Variants in CACNG2 observed in about 807,000 individuals in gnomAD.
CACNG2 encodes the protein voltage-dependent calcium channel gamma-2 subunit.
In CACNG2, 3 loss-of-function variants were observed where a neutral mutation model predicts 25.9. The observed-to-expected ratio is 0.12, with a 90% CI of 0.05 to 0.30. The LOEUF is 0.30. CACNG2 is among the 10% of genes least tolerant of loss of function. The pLI, the probability that CACNG2 is intolerant of heterozygous loss-of-function variation, is 1.00. For missense variants in CACNG2, 341 were observed against 432.5 expected (o/e 0.79, Z 1.88); for synonymous variants, 167 against 173.3 (o/e 0.96, Z 0.29).
chr22:36,668,327 A>G (rs1936901945), intron 1 of CACNG2, among the ~76,000 whole-genome samples: 3 of 152,202 alleles, frequency 2.0e-5, no homozygotes, highest in Non-Finnish European at 2.9e-5. Context: ...AACTGAGCCA[A>G]TAGAATATAT....
At chr22:36,666,033 C>T (rs892906198) in intron 1 of CACNG2, among the ~76,000 whole-genome samples, 5 of 152,194 alleles carry the variant, frequency 3.3e-5, no homozygotes, top group African/African-American at 1.2e-4. Flanking sequence ...TATTATTCAG[C>T]CTTCAAAAGG....
intron 1 of CACNG2, among the ~76,000 whole-genome samples, chr22:36,626,870 G>A (rs1936192379): frequency 6.6e-6 from 1 of 152,262 alleles, no homozygotes; most frequent in South Asian, 2.1e-4. Context: ...GGTCAGTATA[G>A]TATGGGGTGA....
intron 1 of CACNG2, among the ~76,000 whole-genome samples, chr22:36,615,349 T>C (rs1345831877): frequency 6.6e-6 from 1 of 152,208 alleles, no homozygotes; most frequent in Non-Finnish European, 1.5e-5. Flanking sequence ...AGGGCCCTTC[T>C]TGGTTTAGTC....
chr22:36,620,533 G>C (rs1936090609), intron 1 of CACNG2, among the ~76,000 whole-genome samples: 1 of 152,238 alleles, frequency 6.6e-6, no homozygotes, highest in South Asian at 2.1e-4. Flanking sequence ...GGATATGGTG[G>C]AGTGTTTAAG....
At chr22:36,586,486 C>T (rs926147986) in intron 2 of CACNG2, among the ~76,000 whole-genome samples, 12 of 152,234 alleles carry the variant, frequency 7.9e-5, no homozygotes, top group African/African-American at 2.4e-4. Context: ...TTACATTCCA[C>T]GGGCTTTTCA....
At chr22:36,633,905 T>C in intron 1 of CACNG2, among the ~76,000 whole-genome samples, 1 of 152,224 alleles carries the variant, frequency 6.6e-6, no homozygotes, top group East Asian at 1.9e-4. Flanking sequence ...CACTGCAGTT[T>C]GGAATTGGGT....
rs562507526 is a variant in CACNG2, at chr22:36,564,226, GT to G, written c.*124del. 4.0e-5 allele frequency: 31 copies of G among 767,290 alleles called. No individual in the cohort carries two copies. The highest frequency in any genetic ancestry group is 5.5e-5 in the South Asian group (2 of 36,620). 47.5% of individuals were successfully genotyped at this position (767,290 alleles called of 1,614,324 possible). On this transcript the variant is annotated 3_prime_UTR_variant, in exon 4 of 4. Transcript: ENST00000300105. This position sits in a 1 kb window ranked among gnomAD's most constrained non-coding sequence, Gnocchi z 6.7. ...GTGTTTTTTTGTTTTTTGTTTTTTT[GT>G]TTTTTTTGTTTTTTGTTTTTGCTTT...
chr22:36,676,240 C>T (rs1937018622), intron 1 of CACNG2, among the ~76,000 whole-genome samples: 1 of 152,234 alleles, frequency 6.6e-6, no homozygotes, highest in South Asian at 2.1e-4. Flanking sequence ...CACACGTGTA[C>T]TTTGCACTTT....
chr22:36,617,262 A>T (rs563867679), intron 1 of CACNG2, among the ~76,000 whole-genome samples: 1 of 152,264 alleles, frequency 6.6e-6, no homozygotes, highest in Non-Finnish European at 1.5e-5. Flanking sequence ...TTCCTTGGGG[A>T]TTAGGAGCAG....
chr22:36,575,666 C>T (rs757417290), intron 2 of CACNG2, among the ~76,000 whole-genome samples: 9 of 152,266 alleles, frequency 5.9e-5, no homozygotes, highest in East Asian at 1.9e-4. Context: ...TTGGAGTAGA[C>T]GATCTCTAAG....
intron 1 of CACNG2, among the ~76,000 whole-genome samples, chr22:36,685,650 T>C (rs2284010): frequency 0.43 from 65,609 of 151,926 alleles, 16,522 homozygotes; most frequent in African/African-American, 0.71. Context: ...TTGAAACAGA[T>C]CTTTCCGGCC....
At chr22:36,577,377 C>T (rs997810689) in intron 2 of CACNG2, among the ~76,000 whole-genome samples, 10 of 152,060 alleles carry the variant, frequency 6.6e-5, no homozygotes, top group African/African-American at 1.7e-4. Flanking sequence ...CGGGGCCGGG[C>T]GCGGTGGTTC....
chr22:36,595,150 G>T (rs560678442), intron 1 of CACNG2, among the ~76,000 whole-genome samples: 1 of 151,696 alleles, frequency 6.6e-6, no homozygotes, highest in East Asian at 1.9e-4. Flanking sequence ...TGTGTGTGTA[G>T]GCGTGATGAG....
At chr22:36,664,497 G>A (rs771163406) in intron 1 of CACNG2, among the ~76,000 whole-genome samples, 1 of 152,176 alleles carries the variant, frequency 6.6e-6, no homozygotes, top group Non-Finnish European at 1.5e-5. Context: ...GCATTATAAT[G>A]CAAAGAGGAT....
intron 1 of CACNG2, among the ~76,000 whole-genome samples, chr22:36,641,437 G>T (rs1431126724): frequency 4.6e-5 from 7 of 152,208 alleles, no homozygotes; most frequent in Non-Finnish European, 7.3e-5. Flanking sequence ...TTTGACAAAT[G>T]TGAAATTTTA....
At chr22:36,695,632 C>T (rs1237461558) in intron 1 of CACNG2, among the ~76,000 whole-genome samples, 1 of 152,068 alleles carries the variant, frequency 6.6e-6, no homozygotes, top group Admixed American at 6.6e-5. Flanking sequence ...AACTCCTATT[C>T]ATCCTTCAGG....
At chr22:36,624,094 C>A (rs5756268) in intron 1 of CACNG2, among the ~76,000 whole-genome samples, 1 of 152,124 alleles carries the variant, frequency 6.6e-6, no homozygotes, top group Admixed American at 6.5e-5. Flanking sequence ...GAGAGGGGAC[C>A]TTGTTGCCTT....
chr22:36,634,921 C>T (rs1936330842), intron 1 of CACNG2, among the ~76,000 whole-genome samples: 1 of 152,140 alleles, frequency 6.6e-6, no homozygotes, highest in Non-Finnish European at 1.5e-5. Flanking sequence ...TTTGGTTGGC[C>T]TGGTTAGGGA....
intron 1 of CACNG2, among the ~76,000 whole-genome samples, chr22:36,662,843 G>A (rs1034895520): frequency 6.6e-6 from 1 of 151,972 alleles, no homozygotes; most frequent in Non-Finnish European, 1.5e-5. Flanking sequence ...TGAGGAGCCG[G>A]GATTTGAACT....
Sources: gnomAD v4.1 joint callset for allele counts (sites outside exome capture counted in the v4.1 genomes callset) on GRCh38, gnomAD v4.1.1 for gene constraint, Gnocchi (gnomAD v3.1) non-coding constraint, MANE v1.5 for transcripts, NCBI Gene and HGNC (gene_info 2026-07-23, HGNC 2026-07-21) for gene names.